VAT1L: variants seen among roughly 807,000 people sequenced by gnomAD.
The protein encoded by VAT1L is putative NADPH-dependent quinone oxidoreductase VAT1L.
Under a neutral mutation model 44.1 loss-of-function variants are expected in VAT1L, and 34 were observed. The ratio of observed to expected loss-of-function variants is 0.77; its 90% confidence interval spans 0.59 to 1.03. The LOEUF (loss-of-function observed/expected upper bound fraction) is 1.03. VAT1L is among the 50% of genes least tolerant of loss of function. VAT1L has a pLI of 0.00. For missense variants in VAT1L, 615 were observed against 538.8 expected (o/e 1.14, Z -1.40); for synonymous variants, 253 against 202.2 (o/e 1.25, Z -2.13).
intron 7 of VAT1L, among the ~76,000 whole-genome samples, chr16:77,948,829 T>A (rs2018004770): frequency 6.6e-6 from 1 of 152,176 alleles, no homozygotes; most frequent in African/African-American, 2.4e-5. Context: ...CTTCTACATA[T>A]GTAACATGAG....
intron 7 of VAT1L, among the ~76,000 whole-genome samples, chr16:77,910,342 T>C (rs755112484): frequency 3.3e-5 from 5 of 152,188 alleles, no homozygotes; most frequent in African/African-American, 7.2e-5. Flanking sequence ...TGAATCCTAG[T>C]AGTTTGGAAA....
intron 7 of VAT1L, among the ~76,000 whole-genome samples, chr16:77,930,921 A>C (rs894529887): frequency 1.2e-4 from 19 of 152,204 alleles, no homozygotes; most frequent in Non-Finnish European, 8.8e-5. Context: ...TAATTCATTG[A>C]GTAGCTAGGA....
At chr16:77,838,550 A>G (rs978955822) in intron 3 of VAT1L, among the ~76,000 whole-genome samples, 5 of 152,132 alleles carry the variant, frequency 3.3e-5, no homozygotes, top group East Asian at 3.9e-4. Context: ...CCACGACAGG[A>G]TAGAGAGATT....
intron 1 of VAT1L, among the ~76,000 whole-genome samples, chr16:77,802,669 C>CACACACA (rs1335721953): frequency 3.8e-5 from 5 of 131,630 alleles, no homozygotes; most frequent in Admixed American, 7.8e-5. Flanking sequence ...CACACACACA[C>CACACACA]TAAAGTTGCA....
chr16:77,811,181 C>G (rs2145228003), intron 1 of VAT1L, among the ~76,000 whole-genome samples: 1 of 152,290 alleles, frequency 6.6e-6, no homozygotes, highest in South Asian at 2.1e-4. Context: ...AACAGGATAG[C>G]AAGAGGCCTA....
chr16:77,933,186 C>G lies in VAT1L; in HGVS notation c.1078-38664C>G, dbSNP rs77205259. On this transcript the variant is annotated intron_variant, in intron 7 of 8. Coordinates refer to ENST00000302536, the MANE Select transcript of VAT1L (RefSeq NM_020927.3). ...ACTATCACTCCTTGAAGTTTCATCA[C>G]TCTCTCTCATTTGGACTTATAGTAA... is the stretch of plus-strand genomic sequence containing the variant. Among the ~76,000 whole-genome samples, 515 of 152,312 alleles carry G rather than the reference C, an allele frequency of 3.4e-3. 4 individuals are homozygous for G. Among genetic ancestry groups the G allele is most frequent in the African/African-American group, 0.012 (505 of 41,580 alleles).
chr16:77,924,318 C>A (rs756328512), intron 7 of VAT1L, among the ~76,000 whole-genome samples: 3 of 152,178 alleles, frequency 2.0e-5, no homozygotes, highest in East Asian at 1.9e-4. Context: ...AGCCTCTTCA[C>A]TGGGTCCCAT....
intron 7 of VAT1L, among the ~76,000 whole-genome samples, chr16:77,946,669 AC>A (rs1326287012): frequency 6.6e-6 from 1 of 152,224 alleles, no homozygotes; most frequent in Non-Finnish European, 1.5e-5. Flanking sequence ...AGCTATACCA[AC>A]AAAAATGAAC....
chr16:77,807,239 G>A (rs990939204), intron 1 of VAT1L, among the ~76,000 whole-genome samples: 2 of 152,106 alleles, frequency 1.3e-5, no homozygotes, highest in African/African-American at 4.8e-5. Context: ...CACCCCTAAA[G>A]CATCCTTTTA....
Position 77,884,231 on chromosome 16 carries a change from C to G in VAT1L, c.883-377C>G, listed in dbSNP as rs1371576331. 2.0e-5 allele frequency among the ~76,000 whole-genome samples: 3 copies of G among 151,988 alleles called. No homozygotes were observed. The highest frequency in any genetic ancestry group is 7.2e-5 in the African/African-American group (3 of 41,386). On this transcript the variant is annotated intron_variant, in intron 6 of 8. Coordinates refer to ENST00000302536, the MANE Select transcript of VAT1L (RefSeq NM_020927.3). This position sits in a 1 kb window ranked among gnomAD's most constrained non-coding sequence, Gnocchi z 4.5. ...ACGAGGTCAGGAGTTCAAGACCAGCCTGGCCAAGATGGTGAAACCCCATCC... is the reference window on the plus strand; with the variant it reads ...ACGAGGTCAGGAGTTCAAGACCAGCGTGGCCAAGATGGTGAAACCCCATCC...
chr16:77,845,475 G>A (rs1013310536), intron 3 of VAT1L, among the ~76,000 whole-genome samples: 17 of 152,010 alleles, frequency 1.1e-4, no homozygotes, highest in Non-Finnish European at 1.9e-4. Flanking sequence ...TCCCTTCCCC[G>A]CCTCACCACC....
At chr16:77,851,770 G>A (rs2016810950) in intron 3 of VAT1L, among the ~76,000 whole-genome samples, 1 of 152,184 alleles carries the variant, frequency 6.6e-6, no homozygotes. Context: ...CTGAGGCTCA[G>A]AGAGATGAAG....
chr16:77,953,243 A>G (rs596034), intron 7 of VAT1L, among the ~76,000 whole-genome samples: 52,636 of 151,998 alleles, frequency 0.35, 9,189 homozygotes, highest in South Asian at 0.46. Flanking sequence ...ATTTCAGACT[A>G]AGCCTCAGAA....
At chr16:77,906,268 C>A (rs2017435529) in intron 7 of VAT1L, among the ~76,000 whole-genome samples, 1 of 152,158 alleles carries the variant, frequency 6.6e-6, no homozygotes, top group Non-Finnish European at 1.5e-5. Context: ...AATTACAGTG[C>A]AATGTGGAGA....
At chr16:77,821,467 A>G (rs1045563370) in intron 2 of VAT1L, among the ~76,000 whole-genome samples, 2 of 151,908 alleles carry the variant, frequency 1.3e-5, no homozygotes, top group African/African-American at 2.4e-5. Context: ...ATTTTTCTGT[A>G]TTTTTAGTAG....
chr16:77,933,494 G>A (rs551112417), intron 7 of VAT1L, among the ~76,000 whole-genome samples: 2 of 152,310 alleles, frequency 1.3e-5, no homozygotes, highest in South Asian at 2.1e-4. Flanking sequence ...AAAACTGTAT[G>A]AGGATAAAAT....
intron 7 of VAT1L, among the ~76,000 whole-genome samples, chr16:77,918,484 C>A (rs1408570384): frequency 6.6e-6 from 1 of 152,170 alleles, no homozygotes; most frequent in Admixed American, 6.5e-5. Context: ...CCGTTAGACT[C>A]CTTCACTGGC....
intron 1 of VAT1L, among the ~76,000 whole-genome samples, chr16:77,803,307 G>A (rs1460041569): frequency 6.6e-6 from 1 of 152,110 alleles, no homozygotes; most frequent in African/African-American, 2.4e-5. Context: ...ATATTGGAGA[G>A]CAGCAAGGAC....
chr16:77,875,195 G>C (rs17774683), intron 4 of VAT1L, among the ~76,000 whole-genome samples: 7,239 of 152,198 alleles, frequency 0.048, 384 homozygotes, highest in East Asian at 0.27. Context: ...GCTGGATTTT[G>C]GACATGACAT....
Sources: gnomAD v4.1 joint callset for allele counts (sites outside exome capture counted in the v4.1 genomes callset) on GRCh38, gnomAD v4.1.1 for gene constraint, Gnocchi (gnomAD v3.1) non-coding constraint, MANE v1.5 for transcripts, NCBI Gene and HGNC (gene_info 2026-07-23, HGNC 2026-07-21) for gene names.